Variants in PLXNA2 observed in about 807,000 individuals in gnomAD.
The protein encoded by PLXNA2 is plexin A2, also known as plexin-A2.
In PLXNA2, 91 loss-of-function variants were observed where a neutral mutation model predicts 193.5. That is an observed-to-expected ratio of 0.47 (90% CI 0.40 to 0.56). The LOEUF (loss-of-function observed/expected upper bound fraction) is 0.56. Ranked by LOEUF, PLXNA2 falls within the 20% of genes least tolerant of loss-of-function variation. The pLI is 0.00. For synonymous variants in PLXNA2, 997 were observed against 1,027.3 expected (o/e 0.97, Z 0.56); for missense variants, 1,995 against 2,503.2 (o/e 0.80, Z 4.33).
chr1:208,224,479 G>A (rs1465862758), intron 1 of PLXNA2, among the ~76,000 whole-genome samples: 1 of 151,616 alleles, frequency 6.6e-6, no homozygotes. Context: ...CACAGACACC[G>A]AAGATTGTTA....
At position 208,082,366 on chromosome 1, in the gene PLXNA2, CG is replaced by C. The variant is rs540114647; in HGVS notation, c.2395+45del. ...TGATCCCTCTAGCCCCAGTCTTTCC[CG>C]GGGTCGTGAAAAGATCAAACTTCTA... is the stretch of plus-strand genomic sequence containing the variant. On this transcript the variant is annotated intron_variant, in intron 11 of 31. Transcript: ENST00000367033. The surrounding 1 kb of genome is among the most constrained non-coding windows in gnomAD (Gnocchi z 4.2). 1.9e-4 allele frequency: 285 copies of C among 1,476,656 alleles called. No individual in the cohort carries two copies. The African/African-American group carries it at 3.6e-3, about 19-fold the overall frequency. 91.5% of individuals were successfully genotyped at this position (1,476,656 alleles called of 1,614,324 possible).
At chr1:208,096,252 A>T (rs1442499330) in intron 7 of PLXNA2, 127 bp from the exon 8 acceptor site, 1 of 720,590 alleles carries the variant, frequency 1.4e-6, no homozygotes, top group Non-Finnish European at 2.4e-6. Context: ...TACTATGTGG[A>T]ACCTGCCTGA....
intron 20 of PLXNA2, 101 bp from the exon 21 acceptor site, chr1:208,043,304 T>A: frequency 1.8e-6 from 2 of 1,136,100 alleles, no homozygotes; most frequent in Admixed American, 2.0e-5. Flanking sequence ...GGACCTTTTG[T>A]AGAGACTCTG....
chr1:208,043,174 CAT>C lies in PLXNA2; in HGVS notation c.3902_3903del (p.Asn1301ArgfsTer5). 1 of 1,614,112 alleles carries C rather than the reference CAT, an allele frequency of 6.2e-7. No homozygotes were observed. Among genetic ancestry groups the C allele is most frequent in the African/African-American group, 1.3e-5 (1 of 75,062 alleles). ...GAGCGGTCCAGGTCACTGGTCAACT[CAT>C]TGATATCCGTCTGGAGCTCAGCAAA... The part of the protein sequence containing the change: ...EAFAELQTDI[N>X]ELTSDLDRSG... On this transcript the variant is annotated frameshift_variant, in exon 21 of 32. Coordinates refer to ENST00000367033, the MANE Select transcript of PLXNA2 (RefSeq NM_025179.4). LOFTEE classifies it high-confidence loss of function.
intron 5 of PLXNA2, among the ~76,000 whole-genome samples, chr1:208,100,203 C>T (rs1667050506): frequency 6.6e-6 from 1 of 151,782 alleles, no homozygotes; most frequent in African/African-American, 2.4e-5. Context: ...AGTGGGACCC[C>T]ATTCTAAAAA....
chr1:208,228,270 C>T (rs533312590), intron 1 of PLXNA2, among the ~76,000 whole-genome samples: 1 of 152,246 alleles, frequency 6.6e-6, no homozygotes, highest in African/African-American at 2.4e-5. Flanking sequence ...GATGCTTCAT[C>T]TCTATCTCAG....
chr1:208,127,904 C>T (rs899048547), intron 4 of PLXNA2, among the ~76,000 whole-genome samples: 1 of 152,198 alleles, frequency 6.6e-6, no homozygotes, highest in African/African-American at 2.4e-5. Context: ...TCTGACTGCC[C>T]CTCCTCTCTG....
intron 4 of PLXNA2, among the ~76,000 whole-genome samples, chr1:208,107,398 AG>A (rs1667304233): frequency 6.6e-6 from 1 of 152,150 alleles, no homozygotes; most frequent in African/African-American, 2.4e-5. Context: ...GAGGGATTTT[AG>A]GGGTGTAGGG....
At chr1:208,051,867 T>C (rs559437678) in intron 15 of PLXNA2, among the ~76,000 whole-genome samples, 2 of 152,326 alleles carry the variant, frequency 1.3e-5, no homozygotes, top group South Asian at 4.1e-4. Context: ...TTCTCATCCA[T>C]GGATTCTTTC....
intron 9 of PLXNA2, among the ~76,000 whole-genome samples, chr1:208,088,375 C>A (rs1196997733): frequency 6.6e-6 from 1 of 152,206 alleles, no homozygotes; most frequent in Non-Finnish European, 1.5e-5. Flanking sequence ...TATCTTCACC[C>A]ACTGGACTTC....
In PLXNA2 at chr1:208,098,853, C is replaced by T. The variant is rs1667001599; in HGVS notation, c.1724G>A (p.Ser575Asn). The T allele has an allele frequency of 1.2e-6, 2 of 1,613,714 alleles. No individual in the cohort carries two copies. Among genetic ancestry groups the T allele is most frequent in the Admixed American group, 1.7e-5 (1 of 59,962 alleles). The change falls in exon 6 of 32, where the codon AGC (serine) becomes AAC (asparagine). Residue 575 changes from serine (S) to asparagine (N), a missense_variant. By Grantham distance (46) the Ser-to-Asn change is conservative (BLOSUM62 1). This residue lies in a region of PLXNA2 where 702 missense variants were observed against 812.9 expected (regional missense o/e 0.86). Transcript: ENST00000367033. ...HPSSISVSEH[S>N]RLLSLVVSDA... is the part of the protein sequence containing the mutation. ...CCTGGATGAGTTACTTACCAACCGG[C>T]TGTGCTCAGATACTGAGATGCTGCT...
At chr1:208,080,862 C>A (rs1666316598) in intron 11 of PLXNA2, among the ~76,000 whole-genome samples, 1 of 152,188 alleles carries the variant, frequency 6.6e-6, no homozygotes, top group Non-Finnish European at 1.5e-5. Flanking sequence ...AGTCATTCAT[C>A]TGAGTTCACA....
intron 3 of PLXNA2, among the ~76,000 whole-genome samples, chr1:208,202,801 TGCTTG>T (rs1192829185): frequency 2.6e-5 from 4 of 152,192 alleles, no homozygotes; most frequent in Admixed American, 2.6e-4. Flanking sequence ...GTGTTTCACC[TGCTTG>T]GCAATAAAGC....
chr1:208,052,507 C>T (rs746402761), intron 14 of PLXNA2, 44 bp from the exon 15 acceptor site: 1 of 1,598,882 alleles, frequency 6.3e-7, no homozygotes, highest in African/African-American at 1.3e-5. Flanking sequence ...AGGTTTTCTC[C>T]AAAAGGATGG....
intron 3 of PLXNA2, among the ~76,000 whole-genome samples, chr1:208,157,829 A>G (rs1432125747): frequency 2.0e-5 from 3 of 152,226 alleles, no homozygotes; most frequent in Non-Finnish European, 4.4e-5. Context: ...TGAATGAATA[A>G]ATTAATGAAT....
intron 12 of PLXNA2, among the ~76,000 whole-genome samples, chr1:208,064,253 C>G (rs765321158): frequency 6.6e-6 from 1 of 152,226 alleles, no homozygotes; most frequent in Non-Finnish European, 1.5e-5. Context: ...CAAGGGTTTG[C>G]ATGTAAATCT....
intron 5 of PLXNA2, among the ~76,000 whole-genome samples, chr1:208,101,850 A>G (rs1667107433): frequency 6.6e-6 from 1 of 152,186 alleles, no homozygotes; most frequent in East Asian, 1.9e-4. Context: ...GCTAGAGGGC[A>G]GGCTGCCCAG....
At chr1:208,241,078 G>C (rs1349807252) in intron 1 of PLXNA2, among the ~76,000 whole-genome samples, 1 of 152,172 alleles carries the variant, frequency 6.6e-6, no homozygotes, top group Non-Finnish European at 1.5e-5. Context: ...CTGCTGCCTT[G>C]TATATTTAAC....
chr1:208,130,102 CTG>C (rs965197509), intron 4 of PLXNA2, among the ~76,000 whole-genome samples: 7 of 152,160 alleles, frequency 4.6e-5, no homozygotes, highest in African/African-American at 1.7e-4. Flanking sequence ...CCAGTCATAA[CTG>C]GGGGGAACAA....
Sources: allele counts gnomAD v4.1 joint callset (sites outside exome capture counted in the v4.1 genomes callset), GRCh38; gene constraint gnomAD v4.1.1; regional missense constraint gnomAD v4.1.1; non-coding constraint Gnocchi (gnomAD v3.1); transcripts MANE v1.5; gene names NCBI Gene and HGNC (gene_info 2026-07-23, HGNC 2026-07-21).